The following PCDHGB3 variants were observed in gnomAD, a reference collection of about 807,000 sequenced individuals.
The protein encoded by PCDHGB3 is protocadherin gamma-B3.
A neutral mutation model predicts 59.2 loss-of-function variants in PCDHGB3; 40 were observed. That is an observed-to-expected ratio of 0.68 (90% confidence interval 0.52 to 0.88). PCDHGB3 has a LOEUF of 0.88. Among genes scored for constraint, PCDHGB3 ranks in the 40% least tolerant of loss-of-function variants. The pLI is 0.00. For missense variants in PCDHGB3, 1,309 were observed against 1,187.9 expected, an observed-to-expected ratio of 1.10 and a Z score of -1.50; for synonymous variants, 581 against 503.6, an observed-to-expected ratio of 1.15 and a Z score of -2.06.
intron 2 of PCDHGB3, among the ~76,000 whole-genome samples, chr5:141,499,528 G>T (rs961802549): frequency 1.3e-5 from 2 of 152,142 alleles, no homozygotes; most frequent in African/African-American, 2.4e-5. Context: ...AAAGTAGAGA[G>T]AATGGTGTCA....
Position 141,431,464 on chromosome 5 carries a change from G to GA in PCDHGB3, c.2415+58657dup, listed in dbSNP as rs1561852795. 1 of 1,613,782 alleles carries GA rather than the reference G, an allele frequency of 6.2e-7. No homozygotes were observed. Among genetic ancestry groups the GA allele is most frequent in the Non-Finnish European group, 8.5e-7 (1 of 1,179,972 alleles). ...GCATCCGCGTGATGGTTCTGGATGC[G>GA]AACGACAACGCACCAGCGTTTGCTC... On this transcript the variant is annotated intron_variant, in intron 1 of 3. Coordinates refer to ENST00000576222, the MANE Select transcript of PCDHGB3 (RefSeq NM_018924.5). This position sits in a 1 kb window ranked among gnomAD's most constrained non-coding sequence, Gnocchi z 4.8.
At chr5:141,433,246 T>C (rs775015156) in intron 1 of PCDHGB3, 1 of 1,462,358 alleles carries the variant, frequency 6.8e-7, no homozygotes, top group Non-Finnish European at 9.3e-7. Flanking sequence ...CAAGCTGGAA[T>C]GCAGCGGTAC....
At chr5:141,437,944 G>A (rs576107104) in intron 1 of PCDHGB3, among the ~76,000 whole-genome samples, 1 of 152,178 alleles carries the variant, frequency 6.6e-6, no homozygotes, top group South Asian at 2.1e-4. Flanking sequence ...CACCATATTG[G>A]CCAGAATGGT....
intron 1 of PCDHGB3, chr5:141,478,533 C>G: frequency 6.2e-7 from 1 of 1,608,070 alleles, no homozygotes; most frequent in African/African-American, 1.3e-5. Context: ...GCAGAGAGCG[C>G]CCCTCCCGGA....
At chr5:141,501,366 T>G (rs1297210978) in intron 2 of PCDHGB3, among the ~76,000 whole-genome samples, 1 of 150,672 alleles carries the variant, frequency 6.6e-6, no homozygotes, top group Non-Finnish European at 1.5e-5. Flanking sequence ...ACCATATTCA[T>G]CATCTCTTAA....
intron 2 of PCDHGB3, among the ~76,000 whole-genome samples, chr5:141,498,847 C>T (rs932801278): frequency 1.3e-5 from 2 of 151,856 alleles, no homozygotes; most frequent in Admixed American, 1.3e-4. Flanking sequence ...GCAGGGGAAT[C>T]GCTTGAACCC....
Position 141,370,508 on chromosome 5 carries a change from C to T in PCDHGB3, c.114C>T (p.Pro38=). ...ALSEPIRYAI[P]EELDRGSLVG... ...CCGAACCGATCCGCTACGCTATTCC[C>T]GAGGAGCTGGACAGGGGCTCGCTGG... is the stretch of plus-strand genomic sequence containing the variant. Residue 38 remains proline, a synonymous_variant, in exon 1 of 4, where the codon CCC becomes CCT. Transcript: ENST00000576222. The T allele has an allele frequency of 6.2e-7, 1 of 1,613,908 alleles. No individual in the cohort carries two copies. Among genetic ancestry groups the T allele is most frequent in the Non-Finnish European group, 8.5e-7 (1 of 1,179,870 alleles).
At chr5:141,375,802 T>A (rs754541889) in intron 1 of PCDHGB3, 3 of 1,614,190 alleles carry the variant, frequency 1.9e-6, no homozygotes, top group East Asian at 2.2e-5. Flanking sequence ...ACGGTTCCAC[T>A]GGCGTGGAGC....
chr5:141,476,672 A>T lies in PCDHGB3; in HGVS notation c.2416-18135A>T. 6.2e-7 allele frequency: 1 copy of T among 1,614,206 alleles called. No individual in the cohort carries two copies. Among genetic ancestry groups the T allele is most frequent in the African/African-American group, 1.3e-5 (1 of 75,058 alleles). ...TGAATACTTTGCGCTTCGCGTGCAG[A>T]CGCGGGAGGACAGCACCAAGTACGC... On this transcript the variant is annotated intron_variant, in intron 1 of 3. Transcript: ENST00000576222. The surrounding 1 kb of genome is among the most constrained non-coding windows in gnomAD (Gnocchi z 7.6).
chr5:141,399,719 G>C (rs773556952), intron 1 of PCDHGB3: 1 of 1,613,286 alleles, frequency 6.2e-7, no homozygotes, highest in Non-Finnish European at 8.5e-7. Context: ...CTACAGGCCC[G>C]CGACCAGGGC....
intron 1 of PCDHGB3, chr5:141,403,447 C>G (rs1382965437): frequency 6.2e-7 from 1 of 1,613,924 alleles, no homozygotes; most frequent in Non-Finnish European, 8.5e-7. Context: ...TTGGCGTGAA[C>G]TCCCTCCAGA....
chr5:141,472,290 C>T (rs2099275934), intron 1 of PCDHGB3, among the ~76,000 whole-genome samples: 2 of 152,096 alleles, frequency 1.3e-5, no homozygotes, highest in Admixed American at 6.6e-5. Flanking sequence ...ACCTGTAATC[C>T]CAGCACTTTG....
intron 1 of PCDHGB3, chr5:141,385,340 C>A: frequency 6.4e-7 from 1 of 1,570,860 alleles, no homozygotes; most frequent in Non-Finnish European, 8.6e-7. Flanking sequence ...CCAGCCCTTC[C>A]TTTATTTCCA....
Position 141,397,997 on chromosome 5 carries a change from C to T in PCDHGB3, c.2415+25188C>T, listed in dbSNP as rs2093595590. ...GCCGGCCTTTACACCGCTTCCTCCTCGGAAAAAGAATCGTTTCCTAAACTG... is the reference window on the plus strand; with the variant it reads ...GCCGGCCTTTACACCGCTTCCTCCTTGGAAAAAGAATCGTTTCCTAAACTG... On this transcript the variant is annotated intron_variant, in intron 1 of 3. Coordinates refer to ENST00000576222, the MANE Select transcript of PCDHGB3 (RefSeq NM_018924.5). The T allele has an allele frequency of 6.6e-6, 9 of 1,372,980 alleles. No individual in the cohort carries two copies. The Admixed American group carries it at 2.4e-4, about 37-fold the overall frequency. The allele number at this position is 1,372,980 out of a possible 1,614,324, so 85.0% of individuals were successfully genotyped here.
intron 1 of PCDHGB3, chr5:141,388,607 G>A (rs943233962): frequency 6.2e-7 from 1 of 1,613,904 alleles, no homozygotes; most frequent in Non-Finnish European, 8.5e-7. Context: ...ATGCTCCAGT[G>A]TTCAGTCAAG....
chr5:141,503,665 C>A (rs1210514896), intron 2 of PCDHGB3, among the ~76,000 whole-genome samples: 2 of 151,792 alleles, frequency 1.3e-5, no homozygotes, highest in African/African-American at 4.8e-5. Flanking sequence ...AATTACAACT[C>A]TTCCCACTTT....
chr5:141,421,359 C>T, intron 1 of PCDHGB3: 1 of 1,614,012 alleles, frequency 6.2e-7, no homozygotes, highest in Non-Finnish European at 8.5e-7. Context: ...AAAAGGGCTC[C>T]TTCGTGGGCA....
intron 1 of PCDHGB3, chr5:141,400,146 C>A (rs1444566578): frequency 6.2e-7 from 1 of 1,614,080 alleles, no homozygotes; most frequent in South Asian, 1.1e-5. Flanking sequence ...ATATCACTGA[C>A]CGCCCTGTAC....
intron 1 of PCDHGB3, chr5:141,417,647 C>T: frequency 2.5e-6 from 2 of 812,384 alleles, no homozygotes; most frequent in Non-Finnish European, 3.7e-6. Context: ...ATCCCTCAGC[C>T]TCTAGCCTGG....
Sources: allele counts gnomAD v4.1 joint callset (sites outside exome capture counted in the v4.1 genomes callset), GRCh38; gene constraint gnomAD v4.1.1; non-coding constraint Gnocchi (gnomAD v3.1); transcripts MANE v1.5; gene names NCBI Gene and HGNC (gene_info 2026-07-23, HGNC 2026-07-21).